ROCK2: variants seen among roughly 807,000 people sequenced by gnomAD.
The protein encoded by ROCK2 is rho-associated protein kinase 2.
ROCK2 carries 61 observed loss-of-function variants against 195.1 expected under a neutral mutation model. The ratio of observed to expected loss-of-function variants is 0.31; its 90% CI spans 0.25 to 0.39. The LOEUF (loss-of-function observed/expected upper bound fraction) is 0.39. ROCK2 is among the 10% of genes least tolerant of loss of function. The pLI, the probability that ROCK2 is intolerant of heterozygous loss-of-function variation, is 1.00. For synonymous variants in ROCK2, 504 were observed against 545.5 expected (o/e 0.92, Z 1.06); for missense variants, 1,109 against 1,637.4 (o/e 0.68, Z 5.57).
At chr2:11,219,675 C>T (rs1022418903) in intron 9 of ROCK2, among the ~76,000 whole-genome samples, 7 of 152,052 alleles carry the variant, frequency 4.6e-5, no homozygotes, top group Non-Finnish European at 1.0e-4. Flanking sequence ...TAATCTGTCA[C>T]CCAGGCTGGA....
In ROCK2 at chr2:11,308,555, A is replaced by C. The variant is rs1166600651; in HGVS notation, c.142-20819T>G. ...TATCAGAATTGAGAAAACTGGTTTGAAAGATGCTGGGCAGTGCATCAATCC... is the reference window on the plus strand; with the variant it reads ...TATCAGAATTGAGAAAACTGGTTTGCAAGATGCTGGGCAGTGCATCAATCC... On this transcript the variant is annotated intron_variant, in intron 1 of 32. Transcript: ENST00000315872. 26 of 1,533,020 alleles carry C rather than the reference A, an allele frequency of 1.7e-5. No individual in the cohort carries two copies. The East Asian group carries it at 5.8e-4, about 34-fold the overall frequency. 95.0% of individuals were successfully genotyped at this position (1,533,020 alleles called of 1,614,324 possible). A position where few individuals can be genotyped will look rare whatever the true frequency, so the allele number is the denominator to read the frequency against.
chr2:11,185,946 A>G (rs973921535), intron 32 of ROCK2, among the ~76,000 whole-genome samples: 3 of 152,132 alleles, frequency 2.0e-5, no homozygotes, highest in Non-Finnish European at 4.4e-5. Context: ...ACTGCTCTTT[A>G]TAAGGCCTCA....
chr2:11,185,137 A>C (rs889778029), intron 32 of ROCK2, among the ~76,000 whole-genome samples: 2 of 152,294 alleles, frequency 1.3e-5, no homozygotes, highest in South Asian at 2.1e-4. Flanking sequence ...CCCTTCACCA[A>C]AGTGGTCAGA....
intron 3 of ROCK2, among the ~76,000 whole-genome samples, chr2:11,267,435 G>A (rs1481012411): frequency 1.3e-5 from 2 of 151,264 alleles, no homozygotes; most frequent in African/African-American, 4.9e-5. Context: ...CAACTGTCAT[G>A]TCATCTAATC....
chr2:11,313,532 T>C (rs1226552102), intron 1 of ROCK2, among the ~76,000 whole-genome samples: 4 of 152,076 alleles, frequency 2.6e-5, no homozygotes, highest in African/African-American at 9.6e-5. Flanking sequence ...CATGTTTCTA[T>C]TGATATTTGA....
intron 1 of ROCK2, among the ~76,000 whole-genome samples, chr2:11,291,367 C>T (rs948305371): frequency 2.0e-5 from 3 of 152,120 alleles, no homozygotes; most frequent in Non-Finnish European, 2.9e-5. Flanking sequence ...CTGGCTAACA[C>T]GGTGAAACCC....
At chr2:11,239,577 A>T (rs1360037576) in intron 4 of ROCK2, among the ~76,000 whole-genome samples, 1 of 152,252 alleles carries the variant, frequency 6.6e-6, no homozygotes, top group African/African-American at 2.4e-5. Flanking sequence ...GCAAATATTC[A>T]TATCGGCATT....
chr2:11,258,704 T>C (rs1404359555), intron 3 of ROCK2, among the ~76,000 whole-genome samples: 10 of 151,056 alleles, frequency 6.6e-5, no homozygotes, highest in African/African-American at 2.5e-4. Context: ...GTTATTTCTG[T>C]TAGTCACGGG....
intron 1 of ROCK2, among the ~76,000 whole-genome samples, chr2:11,316,236 G>T (rs1668188432): frequency 6.6e-6 from 1 of 152,116 alleles, no homozygotes; most frequent in Non-Finnish European, 1.5e-5. Flanking sequence ...AGAGGTGGGT[G>T]GAAGAGGAGG....
At chr2:11,238,469 G>A (rs1647875061) in intron 4 of ROCK2, among the ~76,000 whole-genome samples, 1 of 152,088 alleles carries the variant, frequency 6.6e-6, no homozygotes, top group African/African-American at 2.4e-5. Flanking sequence ...AAAGGACTCA[G>A]AAGAGCCAAA....
chr2:11,216,328 T>C (rs1444678587), intron 12 of ROCK2, 122 bp from the exon 13 acceptor site: 5 of 723,778 alleles, frequency 6.9e-6, no homozygotes, highest in Non-Finnish European at 1.1e-5. Context: ...AGACGAAGTC[T>C]TGCTCTGTTG....
At chr2:11,283,758 C>G (rs1667097612) in intron 3 of ROCK2, among the ~76,000 whole-genome samples, 1 of 152,164 alleles carries the variant, frequency 6.6e-6, no homozygotes. Context: ...AGCGACAAGA[C>G]CAAATGCCAG....
At chr2:11,227,464 G>T in intron 5 of ROCK2, 66 bp from the exon 6 acceptor site, 2 of 1,404,130 alleles carry the variant, frequency 1.4e-6, no homozygotes, top group Middle Eastern at 1.8e-4. Context: ...TAAATGCAAT[G>T]AATCCATTTA....
At chr2:11,290,037 C>G (rs776028538) in intron 1 of ROCK2, among the ~76,000 whole-genome samples, 2 of 152,138 alleles carry the variant, frequency 1.3e-5, no homozygotes, top group Non-Finnish European at 2.9e-5. Flanking sequence ...TATAAACTTA[C>G]ATTCTTACTT....
rs1665718986 is a variant in ROCK2 at position 11,248,735 on chromosome 2, A to AAAAAAAAG, written c.462+925_462+926insCTTTTTTT. Among the ~76,000 whole-genome samples the AAAAAAAAG allele has an allele frequency of 2.1e-5, 3 of 139,664 alleles. No homozygotes were observed. In the East Asian group the frequency reaches 6.3e-4, roughly 29 times the overall value. The allele number at this position is 139,664 out of a possible 152,430, so 91.6% of individuals were successfully genotyped here. A position where few individuals can be genotyped will look rare whatever the true frequency, so the allele number is the denominator to read the frequency against. On this transcript the variant is annotated intron_variant, in intron 4 of 32. Coordinates refer to ENST00000315872, the MANE Select transcript of ROCK2 (RefSeq NM_004850.5). ...AAAAAAAAAAAAAAAAAAAAAAAAA[A>AAAAAAAAG]AAAGAAAGAATGAAGGCAAAGCAGA...
At chr2:11,190,711 TATATA>T (rs1166034760) in intron 32 of ROCK2, among the ~76,000 whole-genome samples, 1 of 152,118 alleles carries the variant, frequency 6.6e-6, no homozygotes, top group East Asian at 1.9e-4. Flanking sequence ...AATGAGATAA[TATATA>T]AGAAGTTAAA....
intron 3 of ROCK2, among the ~76,000 whole-genome samples, chr2:11,264,013 C>A (rs1209956274): frequency 6.6e-6 from 1 of 150,498 alleles, no homozygotes; most frequent in Admixed American, 6.6e-5. Flanking sequence ...TAAAAAGCTC[C>A]ACTCTTAATT....
intron 9 of ROCK2, among the ~76,000 whole-genome samples, chr2:11,220,973 T>C (rs1263706790): frequency 6.6e-6 from 1 of 152,240 alleles, no homozygotes; most frequent in Non-Finnish European, 1.5e-5. Flanking sequence ...TTGTTTTTAC[T>C]GTATATCCCC....
chr2:11,301,735 G>A (rs1254049422), intron 1 of ROCK2, among the ~76,000 whole-genome samples: 13 of 148,418 alleles, frequency 8.8e-5, no homozygotes, highest in Non-Finnish European at 1.6e-4. Context: ...CCAAGATCGC[G>A]CCATTGCACT....
Sources: gnomAD v4.1 joint callset for allele counts (sites outside exome capture counted in the v4.1 genomes callset) on GRCh38, gnomAD v4.1.1 for gene constraint, MANE v1.5 for transcripts, NCBI Gene and HGNC (gene_info 2026-07-23, HGNC 2026-07-21) for gene names.